LARP1B: variants seen among roughly 807,000 people sequenced by gnomAD.
LARP1B encodes the protein La ribonucleoprotein 1B.
In LARP1B, 76 loss-of-function variants were observed where a neutral mutation model predicts 114.2. The ratio of observed to expected loss-of-function variants is 0.67; its 90% CI spans 0.55 to 0.81. LARP1B has a LOEUF of 0.81. Among genes scored for constraint, LARP1B ranks in the 30% least tolerant of loss-of-function variants. LARP1B has a pLI of 0.00. For synonymous variants in LARP1B, 345 were observed against 348.0 expected, an observed-to-expected ratio of 0.99 and a Z score of 0.10; for missense variants, 1,014 against 1,075.8, an observed-to-expected ratio of 0.94 and a Z score of 0.80.
At chr4:128,096,192 A>G (rs1777922641) in intron 7 of LARP1B, among the ~76,000 whole-genome samples, 1 of 151,818 alleles carries the variant, frequency 6.6e-6, no homozygotes, top group African/African-American at 2.4e-5. Flanking sequence ...ACAGGGTTTC[A>G]CCGTGTTAGC....
In LARP1B at chr4:128,199,585, G is replaced by C; in HGVS notation, c.2150G>C (p.Arg717Pro). The part of the protein sequence containing the change: ...FTQQVYHKYR[R>P]RCLSERKRLG... ...CAACAAGTGTACCACAAGTATCGTC[G>C]AAGATGCCTAAGTGGTAAGATGCTT... The change falls in exon 16 of 20, where the codon CGA (arginine) becomes CCA (proline). Residue 717 changes from arginine (R) to proline (P), a missense_variant. Arg to Pro is a moderately radical substitution (Grantham distance 103). Transcript: ENST00000326639. The C allele has an allele frequency of 6.4e-7, 1 of 1,559,762 alleles. No homozygotes were observed. Among genetic ancestry groups the C allele is most frequent in the East Asian group, 2.3e-5 (1 of 43,330 alleles).
At position 128,082,038 on chromosome 4, in the gene LARP1B, T is replaced by C. The variant is rs557484938; in HGVS notation, c.218-127T>C. On this transcript the variant is annotated intron_variant, in intron 4 of 19. Transcript: ENST00000326639. ...GGCATGAGCCACCGTGTCTGGCCTCTTTACAAATAATCTTAAAATACACAT... is the reference window on the plus strand; with the variant it reads ...GGCATGAGCCACCGTGTCTGGCCTCCTTACAAATAATCTTAAAATACACAT... 5.4e-5 allele frequency: 51 copies of C among 944,628 alleles called. No individual in the cohort carries two copies. The African/African-American group carries it at 7.6e-4, about 14-fold the overall frequency. 58.5% of individuals were successfully genotyped at this position (944,628 alleles called of 1,614,324 possible). A position where few individuals can be genotyped will look rare whatever the true frequency, so the allele number is the denominator to read the frequency against.
upstream of LARP1B, among the ~76,000 whole-genome samples, chr4:128,060,970 C>T (rs1759928956): frequency 6.6e-6 from 1 of 152,130 alleles, no homozygotes; most frequent in African/African-American, 2.4e-5. Context: ...GCGCCATGTG[C>T]GCGGCCCGCC....
At chr4:128,065,712 T>C (rs1364091009) in intron 1 of LARP1B, among the ~76,000 whole-genome samples, 1 of 152,158 alleles carries the variant, frequency 6.6e-6, no homozygotes, top group Non-Finnish European at 1.5e-5. Flanking sequence ...ATGGATAGAC[T>C]CATTTCCTCT....
intron 11 of LARP1B, among the ~76,000 whole-genome samples, chr4:128,156,842 A>G (rs1735902010): frequency 6.7e-6 from 1 of 148,296 alleles, no homozygotes; most frequent in Non-Finnish European, 1.5e-5. Flanking sequence ...ACCTACCAAA[A>G]TGGAATAAAA....
chr4:128,168,561 C>T (rs1742162608), intron 12 of LARP1B, among the ~76,000 whole-genome samples: 1 of 151,952 alleles, frequency 6.6e-6, no homozygotes, highest in African/African-American at 2.4e-5. Flanking sequence ...ATCTTTTGGG[C>T]CAGTTGCAGT....
intron 12 of LARP1B, among the ~76,000 whole-genome samples, chr4:128,175,319 T>G (rs1357762014): frequency 1.3e-5 from 2 of 152,140 alleles, no homozygotes; most frequent in African/African-American, 4.8e-5. Flanking sequence ...TCACTCCCAC[T>G]TTTACTGATG....
intron 11 of LARP1B, among the ~76,000 whole-genome samples, chr4:128,158,391 T>C (rs576810103): frequency 4.5e-4 from 68 of 152,270 alleles, no homozygotes; most frequent in South Asian, 1.5e-3. Flanking sequence ...CTCAGTAATA[T>C]TTCAGTGGGG....
chr4:128,173,276 T>C (rs1336675114), intron 12 of LARP1B, among the ~76,000 whole-genome samples: 1 of 152,174 alleles, frequency 6.6e-6, no homozygotes, highest in Non-Finnish European at 1.5e-5. Flanking sequence ...TCGCTGTTTT[T>C]ATGCTACAAA....
intron 19 of LARP1B, among the ~76,000 whole-genome samples, chr4:128,209,238 G>A (rs758391089): frequency 3.9e-5 from 6 of 152,148 alleles, no homozygotes; most frequent in Non-Finnish European, 7.3e-5. Context: ...GGGCAACATG[G>A]TGAAACCCCG....
chr4:128,182,362 G>A (rs1257156337), intron 15 of LARP1B, among the ~76,000 whole-genome samples: 1 of 151,872 alleles, frequency 6.6e-6, no homozygotes, highest in Non-Finnish European at 1.5e-5. Context: ...CTCCTATCTC[G>A]GCCTTCCAAA....
intron 9 of LARP1B, among the ~76,000 whole-genome samples, chr4:128,109,807 TA>T (rs1465559594): frequency 6.6e-6 from 1 of 152,012 alleles, no homozygotes; most frequent in Non-Finnish European, 1.5e-5. Context: ...GAAACCTTTT[TA>T]ATTACCCAGA....
chr4:128,161,160 T>A (rs1176585898), intron 11 of LARP1B, among the ~76,000 whole-genome samples: 1 of 152,190 alleles, frequency 6.6e-6, no homozygotes, highest in Non-Finnish European at 1.5e-5. Context: ...ACTCCTTTTT[T>A]ATCTCACAGT....
At chr4:128,152,139 A>T (rs1733075398) in intron 11 of LARP1B, among the ~76,000 whole-genome samples, 1 of 151,848 alleles carries the variant, frequency 6.6e-6, no homozygotes, top group Non-Finnish European at 1.5e-5. Flanking sequence ...AACAGTCTTT[A>T]TTCAGTATTT....
intron 15 of LARP1B, among the ~76,000 whole-genome samples, chr4:128,189,822 A>G (rs548526846): frequency 7.9e-5 from 12 of 152,332 alleles, no homozygotes; most frequent in Middle Eastern, 3.4e-3. Context: ...AAAACTCTAC[A>G]CTTCAACTCC....
intron 11 of LARP1B, chr4:128,155,802 T>TC: frequency 6.3e-7 from 1 of 1,590,188 alleles, no homozygotes; most frequent in Non-Finnish European, 8.6e-7. Context: ...CGGAGACTGA[T>TC]AAACTGGAAG....
intron 1 of LARP1B, among the ~76,000 whole-genome samples, chr4:128,066,165 CTTTT>C (rs59927866): frequency 2.1e-4 from 21 of 99,174 alleles, no homozygotes; most frequent in East Asian, 1.5e-3. Flanking sequence ...TTTCTTTCTT[CTTTT>C]TTTTTTTTTT....
At chr4:128,114,357 G>C (rs1027409438) in intron 9 of LARP1B, among the ~76,000 whole-genome samples, 2 of 152,170 alleles carry the variant, frequency 1.3e-5, no homozygotes, top group South Asian at 2.1e-4. Flanking sequence ...GTCTGTGTAA[G>C]ACTTGGTGAC....
intron 15 of LARP1B, among the ~76,000 whole-genome samples, chr4:128,197,723 A>T (rs1310341198): frequency 1.3e-5 from 2 of 152,014 alleles, no homozygotes; most frequent in African/African-American, 2.4e-5. Flanking sequence ...AAGAAAAAAA[A>T]CCTATTTTTT....
Sources: allele counts gnomAD v4.1 joint callset (sites outside exome capture counted in the v4.1 genomes callset), GRCh38; gene constraint gnomAD v4.1.1; transcripts MANE v1.5; gene names NCBI Gene and HGNC (gene_info 2026-07-23, HGNC 2026-07-21).